Variants in MASTL observed in about 807,000 individuals in gnomAD.
The protein encoded by MASTL is microtubule associated serine/threonine kinase like, also known as serine/threonine-protein kinase greatwall.
A neutral mutation model predicts 82.5 loss-of-function variants in MASTL; 54 were observed. The observed-to-expected ratio is 0.65, with a 90% CI of 0.53 to 0.82. The LOEUF (loss-of-function observed/expected upper bound fraction) is 0.82, where lower values mean the gene tolerates loss of function less well. Among genes scored for constraint, MASTL ranks in the 40% least tolerant of loss-of-function variants. The probability of loss-of-function intolerance (pLI) is 0.00; values close to 1 mark genes in which losing one functional copy is unlikely to be tolerated. For synonymous variants in MASTL, 323 were observed against 368.9 expected (o/e 0.88, Z 1.43); for missense variants, 950 against 1,047.8 (o/e 0.91, Z 1.29).
intron 11 of MASTL, among the ~76,000 whole-genome samples, chr10:27,183,914 G>A (rs2058475631): frequency 6.6e-6 from 1 of 152,148 alleles, no homozygotes; most frequent in South Asian, 2.1e-4. Flanking sequence ...GTTTTGCTGT[G>A]TTGCCCAGGC....
At chr10:27,166,045 A>G (rs1192708080) in intron 6 of MASTL, among the ~76,000 whole-genome samples, 1 of 152,042 alleles carries the variant, frequency 6.6e-6, no homozygotes, top group Non-Finnish European at 1.5e-5. Flanking sequence ...TGTCTTTACT[A>G]AAAATACAAA....
chr10:27,155,398 T>A lies in MASTL; in HGVS notation c.-29T>A. 1 of 1,574,574 alleles carries A rather than the reference T, an allele frequency of 6.4e-7. No individual in the cohort carries two copies. Among genetic ancestry groups the A allele is most frequent in the South Asian group, 1.1e-5 (1 of 87,970 alleles). On this transcript the variant is annotated 5_prime_UTR_variant, in exon 1 of 12. Coordinates refer to ENST00000375940, the MANE Select transcript of MASTL (RefSeq NM_001172303.3). ...AGTGGCTGCTCGCGGAGGGGCAGTG[T>A]CTGCGGGGCCGCTGTATGCTGTCCA...
intron 6 of MASTL, among the ~76,000 whole-genome samples, chr10:27,166,401 G>GT (rs1458837487): frequency 6.6e-6 from 1 of 152,092 alleles, no homozygotes; most frequent in East Asian, 1.9e-4. Flanking sequence ...CTTATAGCAC[G>GT]TCTGGATATA....
intron 11 of MASTL, among the ~76,000 whole-genome samples, chr10:27,182,160 A>T (rs925942000): frequency 1.4e-4 from 21 of 151,552 alleles, no homozygotes; most frequent in African/African-American, 4.6e-4. Flanking sequence ...CTGAGGCAGG[A>T]GAATCGCTTC....
rs58196933 is a variant in MASTL at position 27,160,159 on chromosome 10, C to CTTTT, written c.464+427_464+430dup. Among the ~76,000 whole-genome samples, 11 of 40,604 alleles carry CTTTT rather than the reference C, an allele frequency of 2.7e-4. 1 individual carries two copies. Among genetic ancestry groups the CTTTT allele is most frequent in the African/African-American group, 9.7e-4 (7 of 7,232 alleles). 26.6% of individuals were successfully genotyped at this position (40,604 alleles called of 152,430 possible). A position where few individuals can be genotyped will look rare whatever the true frequency, so the allele number is the denominator to read the frequency against. On this transcript the variant is annotated intron_variant, in intron 3 of 11. Coordinates refer to ENST00000375940, the MANE Select transcript of MASTL (RefSeq NM_001172303.3). ...TAGAGGTGTGTGCCATTACTCTTGG[C>CTTTT]TTTTTTTTTTTTTTTTTTTTTTTTT...
chr10:27,182,581 A>G (rs912072298), intron 11 of MASTL, among the ~76,000 whole-genome samples: 3 of 152,048 alleles, frequency 2.0e-5, no homozygotes, highest in Non-Finnish European at 4.4e-5. Flanking sequence ...CTGTCTCTAC[A>G]AAAAATACAA....
chr10:27,181,841 G>A (rs2058330591), intron 11 of MASTL, among the ~76,000 whole-genome samples: 3 of 152,242 alleles, frequency 2.0e-5, no homozygotes, highest in South Asian at 4.1e-4. Context: ...CTGGTAGGCC[G>A]AGGCAGGCGG....
rs149364724 is a variant in MASTL at position 27,170,733 on chromosome 10, A to G, written c.1774A>G (p.Arg592Gly). Reference protein sequence around the residue: ...PLESQPLDSDRSIKESSFEES... With the variant: ...PLESQPLDSDGSIKESSFEES... ...AGAAAGTCAGCCCTTAGATTCAGATAGAAGCATCAAAGAATCCTCTTTTGA... is the reference window on the plus strand; with the variant it reads ...AGAAAGTCAGCCCTTAGATTCAGATGGAAGCATCAAAGAATCCTCTTTTGA... Residue 592 changes from arginine (R) to glycine (G), a missense_variant, in exon 8 of 12, where the codon AGA (arginine) becomes GGA (glycine). Transcript: ENST00000375940. 7 of 1,613,724 alleles carry G rather than the reference A, an allele frequency of 4.3e-6. No individual in the cohort carries two copies. The highest frequency in any genetic ancestry group is 3.4e-6 in the Non-Finnish European group (4 of 1,179,866).
chr10:27,156,372 T>C (rs143627474), intron 1 of MASTL, among the ~76,000 whole-genome samples: 2 of 152,272 alleles, frequency 1.3e-5, no homozygotes, highest in East Asian at 3.9e-4. Flanking sequence ...TGGTTTTGTT[T>C]ACCTTGTTTG....
At chr10:27,184,617 G>A (rs2058555313) in intron 11 of MASTL, among the ~76,000 whole-genome samples, 1 of 128,598 alleles carries the variant, frequency 7.8e-6, no homozygotes. Flanking sequence ...CTGGAGTGCA[G>A]TGGCATGATC....
At position 27,155,938 on chromosome 10, in the gene MASTL, T is replaced by TTACAACAGGCA. The variant is rs1455677985; in HGVS notation, c.186+326_186+327insTACAACAGGCA. ...GACTTGACCGAGGTGATTACATCGGTCTTAGTACAACAGGCACTTAAAGCC... is the reference window on the plus strand; with the variant it reads ...GACTTGACCGAGGTGATTACATCGGTTACAACAGGCACTTAGTACAACAGGCACTTAAAGCC... On this transcript the variant is annotated intron_variant, in intron 1 of 11. Coordinates refer to ENST00000375940, the MANE Select transcript of MASTL (RefSeq NM_001172303.3). Among the ~76,000 whole-genome samples, 11 of 152,294 alleles carry TTACAACAGGCA rather than the reference T, an allele frequency of 7.2e-5. No homozygotes were observed. The East Asian group carries it at 2.1e-3, about 29-fold the overall frequency.
intron 9 of MASTL, among the ~76,000 whole-genome samples, chr10:27,180,395 CTTTTCTT>C (rs2058235243): frequency 1.3e-5 from 2 of 151,570 alleles, no homozygotes; most frequent in South Asian, 4.2e-4. Flanking sequence ...CTTTTCTTTT[CTTTTCTT>C]TTTTTTTGAG....
In MASTL at chr10:27,165,537, C is replaced by T; in HGVS notation, c.809C>T (p.Ser270Leu). Residue 270 changes from serine (S) to leucine (L), a missense_variant and splice_region_variant, in exon 6 of 12, where the codon TCA (serine) becomes TTA (leucine). Ser to Leu is a moderately radical substitution (Grantham distance 145, BLOSUM62 -2). Transcript: ENST00000375940. The part of the protein sequence containing the change: ...TTPYSSKLLK[S>L]CLETVASNPG... ...CCTTATTCTAGCAAATTACTAAAATCATGTGAGTATAAAAGAAAAGGTAGG... is the reference window on the plus strand; with the variant it reads ...CCTTATTCTAGCAAATTACTAAAATTATGTGAGTATAAAAGAAAAGGTAGG... 6.2e-7 allele frequency: 1 copy of T among 1,614,000 alleles called. No homozygotes were observed. The highest frequency in any genetic ancestry group is 8.5e-7 in the Non-Finnish European group (1 of 1,179,986).
At chr10:27,172,102 C>T (rs1010895590) in intron 8 of MASTL, among the ~76,000 whole-genome samples, 11 of 152,048 alleles carry the variant, frequency 7.2e-5, no homozygotes, top group South Asian at 4.1e-4. Context: ...GCTGGGATTA[C>T]GGGCATGAGC....
At chr10:27,171,658 C>T (rs915045032) in intron 8 of MASTL, among the ~76,000 whole-genome samples, 12 of 151,600 alleles carry the variant, frequency 7.9e-5, no homozygotes, top group Admixed American at 2.0e-4. Context: ...ATCTCAAACT[C>T]GTGACCTCAA....
Position 27,165,458 on chromosome 10 carries a change from C to T in MASTL, c.730C>T (p.Gln244Ter), listed in dbSNP as rs1242097395. 1 of 1,614,094 alleles carries T rather than the reference C, an allele frequency of 6.2e-7. No individual in the cohort carries two copies. Among genetic ancestry groups the T allele is most frequent in the Non-Finnish European group, 8.5e-7 (1 of 1,179,958 alleles). ...ILSACLSETS[Q>*]LSQGLVCPMS... Reference sequence around the variant, plus strand: ...TTCAGCCTGTCTGTCTGAAACATCACAGCTTTCTCAAGGACTCGTATGCCC... The same window carrying T: ...TTCAGCCTGTCTGTCTGAAACATCATAGCTTTCTCAAGGACTCGTATGCCC... Residue 244 changes from glutamine (Q) to a stop codon, truncating the protein, a stop_gained, in exon 6 of 12, where the codon CAG (glutamine) becomes TAG (stop). Coordinates refer to ENST00000375940, the MANE Select transcript of MASTL (RefSeq NM_001172303.3). LOFTEE classifies it high-confidence loss of function.
rs770741378 is a variant in MASTL at position 27,158,609 on chromosome 10, G to A, written c.247G>A (p.Asp83Asn). 1 of 1,612,996 alleles carries A rather than the reference G, an allele frequency of 6.2e-7. No individual in the cohort carries two copies. Among genetic ancestry groups the A allele is most frequent in the Non-Finnish European group, 8.5e-7 (1 of 1,178,924 alleles). The change falls in exon 2 of 12, where the codon GAT (aspartate) becomes AAT (asparagine). Residue 83 changes from aspartate to asparagine, a missense_variant. Coordinates refer to ENST00000375940, the MANE Select transcript of MASTL (RefSeq NM_001172303.3). Reference protein sequence around the residue: ...NMTHQVQAERDALALSKSPFI... With the variant: ...NMTHQVQAERNALALSKSPFI... ...GACTCATCAGGTCCAAGCTGAGAGA[G>A]ATGCACTGGCACTAAGCAAAAGCCC... is the stretch of plus-strand genomic sequence containing the variant.
chr10:27,173,623 C>A (rs545274156), intron 9 of MASTL, among the ~76,000 whole-genome samples: 25 of 151,854 alleles, frequency 1.6e-4, no homozygotes, highest in Non-Finnish European at 3.2e-4. Flanking sequence ...TTTTGTCACC[C>A]AGGCTGGAGT....
chr10:27,155,285 G>A (rs1376980761), upstream of MASTL: 5 of 771,908 alleles, frequency 6.5e-6, no homozygotes, highest in East Asian at 2.7e-5. Flanking sequence ...CTGCGTAGGG[G>A]AGGTGACGAG....
Sources: gnomAD v4.1 joint callset for allele counts (sites outside exome capture counted in the v4.1 genomes callset) on GRCh38, gnomAD v4.1.1 for gene constraint, MANE v1.5 for transcripts, NCBI Gene and HGNC (gene_info 2026-07-23, HGNC 2026-07-21) for gene names.